GRB14: variants seen among roughly 807,000 people sequenced by gnomAD.
GRB14 encodes growth factor receptor bound protein 14.
Under a neutral mutation model 69.1 loss-of-function variants are expected in GRB14, and 38 were observed. The ratio of observed to expected loss-of-function variants is 0.55; its 90% confidence interval spans 0.42 to 0.72. The LOEUF (loss-of-function observed/expected upper bound fraction) is 0.72, where lower values mean the gene tolerates loss of function less well. GRB14 is among the 30% of genes least tolerant of loss of function. The pLI is 0.00. For synonymous variants in GRB14, 247 were observed against 241.3 expected (o/e 1.02, Z -0.22); for missense variants, 666 against 666.1 (o/e 1.00, Z 0.00).
rs763464309 is a variant in GRB14, at chr2:164,497,268, G to A, written c.1237C>T (p.Arg413Cys). 6.2e-6 allele frequency: 10 copies of A among 1,613,084 alleles called. No homozygotes were observed. The highest frequency in any genetic ancestry group is 3.3e-5 in the Admixed American group (2 of 59,842). ...GLAWRKKGCL[R>C]LGTHGSPTAS... ...GTGGGGCTACCGTGAGTGCCCAGGCGTAAACATCCTTTTTTCTGAGCAAGG... is the reference window on the plus strand; with the variant it reads ...GTGGGGCTACCGTGAGTGCCCAGGCATAAACATCCTTTTTTCTGAGCAAGG... Residue 413 changes from arginine (R) to cysteine (C), a missense_variant, in exon 11 of 14, where the codon CGC (arginine) becomes TGC (cysteine). Physicochemically the swap from Arg to Cys is radical, Grantham distance 180 (BLOSUM62 -3). Coordinates refer to ENST00000263915, the MANE Select transcript of GRB14 (RefSeq NM_004490.3).
rs1024312414 is a variant in GRB14 at position 164,492,891 on chromosome 2, T to C, written c.*145A>G. Reference sequence around the variant, plus strand: ...AAAGTCAATCCAAGTCTTTGCTTATTTGCAATGCACAAACTATTTTTTTGT... The same window carrying C: ...AAAGTCAATCCAAGTCTTTGCTTATCTGCAATGCACAAACTATTTTTTTGT... On this transcript the variant is annotated 3_prime_UTR_variant, in exon 14 of 14. Transcript: ENST00000263915. 6.5e-6 allele frequency: 4 copies of C among 616,348 alleles called. No individual in the cohort carries two copies. The Admixed American group carries it at 1.4e-4, about 22-fold the overall frequency. The allele number at this position is 616,348 out of a possible 1,614,324, so 38.2% of individuals were successfully genotyped here. A position where few individuals can be genotyped will look rare whatever the true frequency, so the allele number is the denominator to read the frequency against.
chr2:164,561,316 T>C (rs1356508590), intron 2 of GRB14, among the ~76,000 whole-genome samples: 1 of 152,168 alleles, frequency 6.6e-6, no homozygotes, highest in Non-Finnish European at 1.5e-5. Context: ...GGCAAACTGA[T>C]AGCACTCAAC....
chr2:164,512,381 G>T (rs1687362265), intron 6 of GRB14, among the ~76,000 whole-genome samples: 1 of 152,114 alleles, frequency 6.6e-6, no homozygotes, highest in Admixed American at 6.5e-5. Flanking sequence ...TGGCCAGGCT[G>T]GTCTCTAACT....
At chr2:164,584,864 G>C (rs902803776) in intron 2 of GRB14, among the ~76,000 whole-genome samples, 2 of 152,058 alleles carry the variant, frequency 1.3e-5, no homozygotes, top group African/African-American at 2.4e-5. Context: ...TTAAAGATTG[G>C]ATTGTTCAGT....
intron 2 of GRB14, among the ~76,000 whole-genome samples, chr2:164,588,616 T>C (rs895735473): frequency 1.3e-5 from 2 of 152,180 alleles, no homozygotes; most frequent in African/African-American, 4.8e-5. Flanking sequence ...TTAACAAATA[T>C]GCCAGGACAT....
chr2:164,539,447 C>G lies in GRB14; in HGVS notation c.481+8213G>C, dbSNP rs147215776. ...CCAGTATCACATACTGTACTCCACC[C>G]TGGGCGACAGACGGCGACTCCATCT... On this transcript the variant is annotated intron_variant, in intron 3 of 13. Transcript: ENST00000263915. 4.2e-4 allele frequency among the ~76,000 whole-genome samples: 63 copies of G among 150,462 alleles called. 1 individual carries two copies. In the East Asian group the frequency reaches 0.012, roughly 28 times the overall value.
At chr2:164,543,712 A>C (rs1393901060) in intron 3 of GRB14, among the ~76,000 whole-genome samples, 5 of 152,222 alleles carry the variant, frequency 3.3e-5, no homozygotes, top group African/African-American at 4.8e-5. Context: ...TTAAGGAGAA[A>C]AAAACCACTG....
intron 6 of GRB14, among the ~76,000 whole-genome samples, chr2:164,511,500 C>G (rs1380874690): frequency 6.6e-6 from 1 of 152,084 alleles, no homozygotes; most frequent in Non-Finnish European, 1.5e-5. Flanking sequence ...TTAGACACAC[C>G]CTGAGCCAGA....
intron 3 of GRB14, among the ~76,000 whole-genome samples, chr2:164,545,917 C>T (rs778650024): frequency 6.6e-6 from 1 of 152,136 alleles, no homozygotes; most frequent in Non-Finnish European, 1.5e-5. Flanking sequence ...CCAAATAAAA[C>T]ATTTTAAGAG....
intron 2 of GRB14, among the ~76,000 whole-genome samples, chr2:164,582,926 TC>T (rs1689450890): frequency 6.6e-6 from 1 of 152,148 alleles, no homozygotes; most frequent in Admixed American, 6.5e-5. Flanking sequence ...CTTTATGCCC[TC>T]TCCCTTCCCC....
chr2:164,503,163 C>T (rs1444223055), intron 8 of GRB14, among the ~76,000 whole-genome samples: 2 of 116,470 alleles, frequency 1.7e-5, no homozygotes, highest in African/African-American at 7.3e-5. Flanking sequence ...GTTTAAGCTA[C>T]TTTGTTAAAA....
Position 164,619,681 on chromosome 2 carries a change from G to A in GRB14, c.324+6C>T, listed in dbSNP as rs757191613. ...TTTTTGAAATTTAAAATTTAAAAATGCATACCTGTTTTTTCCTTGAATTTG... is the reference window on the plus strand; with the variant it reads ...TTTTTGAAATTTAAAATTTAAAAATACATACCTGTTTTTTCCTTGAATTTG... On this transcript the variant is annotated splice_donor_region_variant and intron_variant, in intron 2 of 13. Transcript: ENST00000263915. The A allele has an allele frequency of 1.8e-5, 29 of 1,570,608 alleles. No individual in the cohort carries two copies. In the South Asian group the frequency reaches 2.7e-4, roughly 15 times the overall value.
chr2:164,547,918 T>C, intron 2 of GRB14, 102 bp from the exon 3 acceptor site: 2 of 662,998 alleles, frequency 3.0e-6, no homozygotes, highest in Non-Finnish European at 4.7e-6. Context: ...TATTATGAGA[T>C]ATATATAAAT....
At chr2:164,502,190 G>C (rs982870855) in intron 9 of GRB14, 65 bp downstream of exon 9, 21 of 799,940 alleles carry the variant, frequency 2.6e-5, no homozygotes, top group Non-Finnish European at 4.4e-5. Context: ...CTGTTATGTA[G>C]TGTAATTTAA....
intron 2 of GRB14, among the ~76,000 whole-genome samples, chr2:164,608,134 G>A (rs534523900): frequency 3.9e-5 from 6 of 152,112 alleles, no homozygotes; most frequent in Non-Finnish European, 8.8e-5. Context: ...TACTTTGGGA[G>A]GCCGAGGCGG....
chr2:164,580,207 GC>G (rs1169732187), intron 2 of GRB14, among the ~76,000 whole-genome samples: 4 of 151,588 alleles, frequency 2.6e-5, no homozygotes, highest in African/African-American at 9.7e-5. Flanking sequence ...TGATTCTCCT[GC>G]CTCAGCCTCC....
Position 164,496,993 on chromosome 2 carries a change from A to C in GRB14, c.1382+15T>G. ...CCAATTCACAAGTACTCAAAATTAA[A>C]AATACCAAACTTACCCATCCACAAG... On this transcript the variant is annotated intron_variant, in intron 12 of 13. Coordinates refer to ENST00000263915, the MANE Select transcript of GRB14 (RefSeq NM_004490.3). 1 of 1,605,552 alleles carries C rather than the reference A, an allele frequency of 6.2e-7. No homozygotes were observed. The highest frequency in any genetic ancestry group is 8.5e-7 in the Non-Finnish European group (1 of 1,172,424).
intron 2 of GRB14, among the ~76,000 whole-genome samples, chr2:164,566,718 A>C (rs935038781): frequency 6.6e-6 from 1 of 152,088 alleles, no homozygotes; most frequent in African/African-American, 2.4e-5. Flanking sequence ...ATGTTTTATA[A>C]TAATTCTAAA....
At chr2:164,567,371 T>C (rs1463332917) in intron 2 of GRB14, among the ~76,000 whole-genome samples, 1 of 152,176 alleles carries the variant, frequency 6.6e-6, no homozygotes, top group Non-Finnish European at 1.5e-5. Flanking sequence ...CCACTTTAAC[T>C]GTTAGATTTG....
Sources: allele counts gnomAD v4.1 joint callset (sites outside exome capture counted in the v4.1 genomes callset), GRCh38; gene constraint gnomAD v4.1.1; transcripts MANE v1.5; gene names NCBI Gene and HGNC (gene_info 2026-07-23, HGNC 2026-07-21).